Variants in RYR3 observed in about 807,000 individuals in gnomAD.
RYR3 encodes the protein brain ryanodine receptor-calcium release channel.
A neutral mutation model predicts 584.3 loss-of-function variants in RYR3; 207 were observed. The ratio of observed to expected loss-of-function variants is 0.35; its 90% CI spans 0.32 to 0.40. The LOEUF (loss-of-function observed/expected upper bound fraction) is 0.40, where lower values mean the gene tolerates loss of function less well. RYR3 is among the 10% of genes least tolerant of loss of function. The pLI, the probability that RYR3 is intolerant of heterozygous loss-of-function variation, is 1.00. For synonymous variants in RYR3, 2,416 were observed against 2,248.5 expected, an observed-to-expected ratio of 1.07 and a Z score of -2.11; for missense variants, 5,616 against 6,089.2, an observed-to-expected ratio of 0.92 and a Z score of 2.59.
chr15:33,848,853 T>TTTG, intron 94 of RYR3, among the ~76,000 whole-genome samples: 1 of 143,670 alleles, frequency 7.0e-6, no homozygotes, highest in African/African-American at 2.6e-5. Context: ...TTTTTTTTTT[T>TTTG]GAGACAGAGT....
chr15:33,842,011 G>C lies in RYR3; in HGVS notation c.13185G>C (p.Leu4395=), dbSNP rs2078400979. ...TCACAGCCAATTTCTTTAAAGGGCT[G>C]GAAATCTATCAGACCAAGTTACTGG... ...EAFTANFFKG[L]EIYQTKLLHY... The change falls in exon 91 of 104, where the codon CTG becomes CTC. Residue 4395 remains leucine (L), a synonymous_variant. Coordinates refer to ENST00000634891, the MANE Select transcript of RYR3 (RefSeq NM_001036.6). 6 of 1,602,492 alleles carry C rather than the reference G, an allele frequency of 3.7e-6. No individual in the cohort carries two copies. In the East Asian group the frequency reaches 1.3e-4, roughly 36 times the overall value.
At chr15:33,777,524 C>T (rs1313856564) in intron 64 of RYR3, among the ~76,000 whole-genome samples, 1 of 151,856 alleles carries the variant, frequency 6.6e-6, no homozygotes, top group Non-Finnish European at 1.5e-5. Context: ...GCCAAGAGAG[C>T]TGTTGTTTAT....
intron 57 of RYR3, among the ~76,000 whole-genome samples, chr15:33,753,693 G>GA (rs1406357088): frequency 6.6e-6 from 1 of 152,070 alleles, no homozygotes. Context: ...TATCTCATAT[G>GA]AAAAAAATAG....
At chr15:33,855,347 G>T (rs1211874738) in intron 98 of RYR3, among the ~76,000 whole-genome samples, 1 of 152,206 alleles carries the variant, frequency 6.6e-6, no homozygotes, top group East Asian at 1.9e-4. Context: ...GGGATTACAG[G>T]CACATGCCAC....
At chr15:33,350,909 T>C (rs2140926036) in intron 1 of RYR3, among the ~76,000 whole-genome samples, 1 of 151,834 alleles carries the variant, frequency 6.6e-6, no homozygotes, top group South Asian at 2.1e-4. Flanking sequence ...ATAACCAAAG[T>C]CAGAGCAGAA....
intron 1 of RYR3, among the ~76,000 whole-genome samples, chr15:33,337,134 C>T (rs962701939): frequency 2.5e-4 from 37 of 145,872 alleles, no homozygotes; most frequent in African/African-American, 8.3e-4. Flanking sequence ...ATGAGTAATC[C>T]ATATTAGGAA....
chr15:33,726,474 G>A lies in RYR3; in HGVS notation c.7001G>A (p.Ser2334Asn), dbSNP rs199928344. ...ACAGAAGACCTGGTTGGGATCATCAGCATCCCCTTGAAACTGCCCTCCCTC... is the reference window on the plus strand; with the variant it reads ...ACAGAAGACCTGGTTGGGATCATCAACATCCCCTTGAAACTGCCCTCCCTC... ...VPTEDLVGII[S>N]IPLKLPSLNK... is the part of the protein sequence containing the mutation. The change falls in exon 46 of 104, where the codon AGC (serine) becomes AAC (asparagine). Residue 2334 changes from serine (S) to asparagine (N), a missense_variant. Physicochemically the swap from Ser to Asn is conservative, Grantham distance 46. This residue lies in a region of RYR3 where 1,280 missense variants were observed against 1,426.2 expected (regional missense o/e 0.90). Coordinates refer to ENST00000634891, the MANE Select transcript of RYR3 (RefSeq NM_001036.6). 1.2e-5 allele frequency: 20 copies of A among 1,603,972 alleles called. No individual in the cohort carries two copies. Among genetic ancestry groups the A allele is most frequent in the South Asian group, 2.3e-5 (2 of 88,850 alleles).
chr15:33,431,475 G>A (rs1006548585), intron 1 of RYR3, among the ~76,000 whole-genome samples: 1 of 152,174 alleles, frequency 6.6e-6, no homozygotes, highest in African/African-American at 2.4e-5. Context: ...TGAAAAGGAA[G>A]AGAGGGGCTG....
intron 43 of RYR3, among the ~76,000 whole-genome samples, chr15:33,708,406 A>G (rs1479485451): frequency 6.6e-6 from 1 of 152,198 alleles, no homozygotes; most frequent in Admixed American, 6.5e-5. Flanking sequence ...CTGGATCGTG[A>G]AGGTAAAGGA....
chr15:33,740,094 C>A, intron 51 of RYR3, 99 bp downstream of exon 51: 1 of 978,560 alleles, frequency 1.0e-6, no homozygotes, highest in Non-Finnish European at 1.5e-6. Context: ...ACCTCTTTCC[C>A]TCCTGCCAAC....
intron 1 of RYR3, among the ~76,000 whole-genome samples, chr15:33,411,797 G>A (rs958813100): frequency 3.9e-5 from 6 of 152,070 alleles, no homozygotes; most frequent in African/African-American, 9.7e-5. Context: ...CTGGTTGCAC[G>A]GTAATGGCTT....
intron 17 of RYR3, 44 bp from the exon 18 acceptor site, chr15:33,603,079 C>A (rs752318013): frequency 6.2e-7 from 1 of 1,606,172 alleles, no homozygotes; most frequent in South Asian, 1.1e-5. Flanking sequence ...GCTTTCTCAG[C>A]TTTTAAGGGT....
intron 38 of RYR3, among the ~76,000 whole-genome samples, chr15:33,681,504 G>T (rs1248084257): frequency 6.6e-6 from 1 of 152,130 alleles, no homozygotes; most frequent in Non-Finnish European, 1.5e-5. Flanking sequence ...TTAGGACATG[G>T]ACGTTTGGGG....
At chr15:33,506,565 C>G (rs1031779777) in intron 3 of RYR3, among the ~76,000 whole-genome samples, 4 of 152,160 alleles carry the variant, frequency 2.6e-5, no homozygotes, top group Non-Finnish European at 5.9e-5. Context: ...GTAGTATTCA[C>G]TGGAGATCTC....
At chr15:33,393,160 A>G (rs889743694) in intron 1 of RYR3, among the ~76,000 whole-genome samples, 3 of 152,222 alleles carry the variant, frequency 2.0e-5, no homozygotes, top group African/African-American at 7.2e-5. Flanking sequence ...CTGCTTAAAC[A>G]TTTTTCAGGG....
At position 33,810,448 on chromosome 15, in the gene RYR3, CCT is replaced by C. The variant is rs773437037; in HGVS notation, c.10027-26_10027-25del. 12 of 1,611,602 alleles carry C rather than the reference CCT, an allele frequency of 7.4e-6. No individual in the cohort carries two copies. In the African/African-American group the frequency reaches 1.3e-4, roughly 18 times the overall value. ...GTTCCTTTGGGAGAATCACTGAACC[CCT>C]CTCTGTTTATTTCAACATCATCTCC... On this transcript the variant is annotated intron_variant, in intron 70 of 103. Coordinates refer to ENST00000634891, the MANE Select transcript of RYR3 (RefSeq NM_001036.6).
Position 33,772,060 on chromosome 15 carries a change from T to C in RYR3, c.8957T>C (p.Val2986Ala). 1 of 1,613,720 alleles carries C rather than the reference T, an allele frequency of 6.2e-7. No individual in the cohort carries two copies. Among genetic ancestry groups the C allele is most frequent in the Non-Finnish European group, 8.5e-7 (1 of 1,179,778 alleles). Residue 2986 changes from valine (V) to alanine (A), a missense_variant, in exon 63 of 104, where the codon GTT (valine) becomes GCT (alanine). This residue lies in a region of RYR3 where 954 missense variants were observed against 1,132.2 expected (regional missense o/e 0.84). Coordinates refer to ENST00000634891, the MANE Select transcript of RYR3 (RefSeq NM_001036.6). ...FTHSRTQIKG[V>A]SQNINYTTVA... ...CATTCCCGAACGCAGATTAAAGGCG[T>C]TTCTCAGAATATTAACTACACTACA...
chr15:33,592,900 G>C (rs992461376), intron 16 of RYR3, among the ~76,000 whole-genome samples: 4 of 152,190 alleles, frequency 2.6e-5, no homozygotes, highest in African/African-American at 9.7e-5. Context: ...TGCTGAAGGT[G>C]GTCCGGGCAC....
At chr15:33,723,795 G>A (rs2068127307) in intron 44 of RYR3, among the ~76,000 whole-genome samples, 1 of 152,208 alleles carries the variant, frequency 6.6e-6, no homozygotes, top group Non-Finnish European at 1.5e-5. Context: ...ATGAATGGTT[G>A]GTAGGAGTTA....
Sources: gnomAD v4.1 joint callset for allele counts (sites outside exome capture counted in the v4.1 genomes callset) on GRCh38, gnomAD v4.1.1 for gene constraint, gnomAD v4.1.1 regional missense constraint, MANE v1.5 for transcripts, NCBI Gene and HGNC (gene_info 2026-07-23, HGNC 2026-07-21) for gene names.